ARVCF: variants seen among roughly 807,000 people sequenced by gnomAD.
The protein encoded by ARVCF is splicing regulator ARVCF.
In ARVCF, 66 loss-of-function variants were observed where a neutral mutation model predicts 90.9. The ratio of observed to expected loss-of-function variants is 0.73; its 90% CI spans 0.60 to 0.89. ARVCF has a LOEUF of 0.89. Ranked by LOEUF, ARVCF falls within the 40% of genes least tolerant of loss-of-function variation. The pLI, the probability that ARVCF is intolerant of heterozygous loss-of-function variation, is 0.00. For synonymous variants in ARVCF, 653 were observed against 603.4 expected, an observed-to-expected ratio of 1.08 and a Z score of -1.21; for missense variants, 1,469 against 1,382.3, an observed-to-expected ratio of 1.06 and a Z score of -1.00.
In ARVCF at chr22:20,000,779, T is replaced by C. The variant is rs562396659; in HGVS notation, c.-19+9676A>G. On this transcript the variant is annotated intron_variant, in intron 2 of 19. Transcript: ENST00000263207. Reference sequence around the variant, plus strand: ...CCTTATCAAAGCGGCTCTTGAGGGCTGGTTTACCCCTTCCACCATGAGAGG... The same window carrying C: ...CCTTATCAAAGCGGCTCTTGAGGGCCGGTTTACCCCTTCCACCATGAGAGG... Among the ~76,000 whole-genome samples, 35 of 152,316 alleles carry C rather than the reference T, an allele frequency of 2.3e-4. No individual in the cohort carries two copies. The South Asian group carries it at 7.2e-3, about 32-fold the overall frequency.
At position 19,977,287 on chromosome 22, in the gene ARVCF, G is replaced by C. The variant is rs1012523708; in HGVS notation, c.1870+128C>G. Reference sequence around the variant, plus strand: ...AGCCTCCTTGACTCCTGGCTTCCCTGCCTGCCTGTTGGGGGCTGACCAGGT... The same window carrying C: ...AGCCTCCTTGACTCCTGGCTTCCCTCCCTGCCTGTTGGGGGCTGACCAGGT... On this transcript the variant is annotated intron_variant, in intron 9 of 19. Transcript: ENST00000263207. The C allele has an allele frequency of 5.9e-5, 75 of 1,280,382 alleles. No homozygotes were observed. The African/African-American group carries it at 9.9e-4, about 17-fold the overall frequency. 79.3% of individuals were successfully genotyped at this position (1,280,382 alleles called of 1,614,324 possible).
intron 2 of ARVCF, among the ~76,000 whole-genome samples, chr22:19,998,675 G>A (rs1944340857): frequency 6.6e-6 from 1 of 152,176 alleles, no homozygotes; most frequent in African/African-American, 2.4e-5. Context: ...GTGGAAAACA[G>A]CACTGGCAGG....
In ARVCF at chr22:19,979,984, C is replaced by T. The variant is rs1389279519; in HGVS notation, c.1155G>A (p.Leu385=). Reference sequence around the variant, plus strand: ...GCTTGACACCCTCGTTCTCAAAGCACAGATGCTGCAGGTAGGCGGCCGCAT... The same window carrying T: ...GCTTGACACCCTCGTTCTCAAAGCATAGATGCTGCAGGTAGGCGGCCGCAT... ...KANAAAYLQH[L]CFENEGVKRR... Residue 385 remains leucine, a synonymous_variant, in exon 6 of 20, where the codon CTG becomes CTA. Coordinates refer to ENST00000263207, the MANE Select transcript of ARVCF (RefSeq NM_001670.3). 2 of 1,595,950 alleles carry T rather than the reference C, an allele frequency of 1.3e-6. No homozygotes were observed. The highest frequency in any genetic ancestry group is 2.3e-5 in the East Asian group (1 of 44,016).
chr22:19,968,758 C>A, downstream of ARVCF: 1 of 1,600,900 alleles, frequency 6.2e-7, no homozygotes, highest in Non-Finnish European at 8.5e-7. Context: ...GCCCCCCTCT[C>A]GGGCTCTCTC....
intron 11 of ARVCF, among the ~76,000 whole-genome samples, chr22:19,974,500 G>A (rs1201436980): frequency 1.3e-5 from 2 of 152,132 alleles, no homozygotes; most frequent in African/African-American, 4.8e-5. Flanking sequence ...GGGGTGGGGA[G>A]GGAGGTGTCA....
intron 19 of ARVCF, 50 bp downstream of exon 19, chr22:19,971,166 G>A: frequency 6.4e-7 from 1 of 1,550,864 alleles, no homozygotes; most frequent in Admixed American, 2.0e-5. Context: ...AAGAAGCCCT[G>A]GCCCAGAGGG....
chr22:19,976,784 C>A (rs1943180266), intron 9 of ARVCF, 61 bp from the exon 10 acceptor site: 2 of 1,525,548 alleles, frequency 1.3e-6, no homozygotes, highest in African/African-American at 2.9e-5. Context: ...GCACTCATCA[C>A]CCCCCCATGC....
At chr22:19,972,031 A>C in intron 17 of ARVCF, 60 bp from the exon 18 acceptor site, 5 of 1,457,442 alleles carry the variant, frequency 3.4e-6, no homozygotes, top group Non-Finnish European at 3.8e-6. Flanking sequence ...GTAGGAGCAG[A>C]TCTCCCTCTC....
chr22:20,012,084 C>A (rs1286370839), intron 1 of ARVCF, among the ~76,000 whole-genome samples: 3 of 134,280 alleles, frequency 2.2e-5, no homozygotes, highest in Non-Finnish European at 5.1e-5. Flanking sequence ...CAAAGTCCCC[C>A]CCCCCCACCC....
chr22:19,975,088 C>T (rs1281944642), intron 11 of ARVCF, among the ~76,000 whole-genome samples: 1 of 152,192 alleles, frequency 6.6e-6, no homozygotes, highest in East Asian at 1.9e-4. Context: ...AAGCACACTC[C>T]CCGCTGGGGT....
intron 7 of ARVCF, among the ~76,000 whole-genome samples, chr22:19,978,377 G>C (rs963585897): frequency 2.6e-5 from 4 of 152,154 alleles, no homozygotes; most frequent in Non-Finnish European, 4.4e-5. Context: ...AGAGAGACCT[G>C]AACCTGTGCA....
chr22:19,992,595 A>C (rs1364345822), intron 2 of ARVCF, among the ~76,000 whole-genome samples: 1 of 152,202 alleles, frequency 6.6e-6, no homozygotes, highest in Non-Finnish European at 1.5e-5. Context: ...TCCAGCCCTC[A>C]GCCCAGTCCT....
chr22:20,001,319 C>T (rs1601663827), intron 2 of ARVCF, among the ~76,000 whole-genome samples: 1 of 152,166 alleles, frequency 6.6e-6, no homozygotes, highest in Non-Finnish European at 1.5e-5. Context: ...CCCGAGCTTG[C>T]ACAGACCCAC....
intron 2 of ARVCF, among the ~76,000 whole-genome samples, chr22:20,001,096 C>G (rs1944428403): frequency 6.6e-6 from 1 of 152,104 alleles, no homozygotes; most frequent in African/African-American, 2.4e-5. Flanking sequence ...CCCGACAGGC[C>G]CTTTGGGGGG....
At chr22:20,007,559 G>C (rs1288447921) in intron 2 of ARVCF, among the ~76,000 whole-genome samples, 1 of 152,256 alleles carries the variant, frequency 6.6e-6, no homozygotes, top group Non-Finnish European at 1.5e-5. Context: ...CAACGCAACA[G>C]TGTTGAAGGT....
Position 19,981,940 on chromosome 22 carries a change from T to C in ARVCF, c.362A>G (p.Glu121Gly). The change falls in exon 4 of 20, where the codon GAG (glutamate) becomes GGG (glycine). Residue 121 changes from glutamate to glycine, a missense_variant. Coordinates refer to ENST00000263207, the MANE Select transcript of ARVCF (RefSeq NM_001670.3). ...GCCTGGGCCTGGCCATACCTTGGTC[T>C]CGGTGCGCCGGGTTGTGCCATCTTC... is the stretch of plus-strand genomic sequence containing the variant. ...TSEDGTTRRT[E>G]TKVTKTVKTV... The C allele has an allele frequency of 6.2e-7, 1 of 1,612,526 alleles. No individual in the cohort carries two copies. Among genetic ancestry groups the C allele is most frequent in the Non-Finnish European group, 8.5e-7 (1 of 1,179,736 alleles).
At chr22:20,005,235 A>T (rs1601673639) in intron 2 of ARVCF, among the ~76,000 whole-genome samples, 1 of 152,170 alleles carries the variant, frequency 6.6e-6, no homozygotes, top group African/African-American at 2.4e-5. Context: ...AGTGGAGTTG[A>T]ACTGACATTT....
At chr22:19,999,362 C>T (rs1346584402) in intron 2 of ARVCF, among the ~76,000 whole-genome samples, 1 of 152,154 alleles carries the variant, frequency 6.6e-6, no homozygotes, top group Non-Finnish European at 1.5e-5. Flanking sequence ...AGGCACTGGC[C>T]CAGGGAGAGA....
chr22:20,000,735 G>T (rs73880069), intron 2 of ARVCF, among the ~76,000 whole-genome samples: 7,454 of 152,268 alleles, frequency 0.049, 215 homozygotes, highest in South Asian at 0.084. Flanking sequence ...GGTGATTAGT[G>T]CCCTTATATG....
Sources: gnomAD v4.1 joint callset for allele counts (sites outside exome capture counted in the v4.1 genomes callset) on GRCh38, gnomAD v4.1.1 for gene constraint, MANE v1.5 for transcripts, NCBI Gene and HGNC (gene_info 2026-07-23, HGNC 2026-07-21) for gene names.